MS4A4E: variants seen among roughly 807,000 people sequenced by gnomAD.
The protein encoded by MS4A4E is putative membrane-spanning 4-domains subfamily A member 4E.
A neutral mutation model predicts 13.3 loss-of-function variants in MS4A4E; 23 were observed. The observed-to-expected ratio is 1.73, with a 90% CI of 1.25 to 2.45. MS4A4E has a LOEUF of 2.45. Ranked by LOEUF, MS4A4E falls within the 30% of genes most tolerant of loss-of-function variation. The pLI, the probability that MS4A4E is intolerant of heterozygous loss-of-function variation, is 0.00. For missense variants in MS4A4E, 144 were observed against 131.2 expected (o/e 1.10, Z -0.48); for synonymous variants, 36 against 45.6 (o/e 0.79, Z 0.85).
chr11:60,230,044 C>A lies in MS4A4E; in HGVS notation c.12G>T (p.Met4Ile). The A allele has an allele frequency of 6.3e-7, 1 of 1,588,596 alleles. No individual in the cohort carries two copies. Among genetic ancestry groups the A allele is most frequent in the Non-Finnish European group, 8.5e-7 (1 of 1,170,842 alleles). MTT[M>I]QGMEQTTPGA... ...CTGGAGTGGTCTGTTCCATTCCTTG[C>A]ATGGTTGTCATGGCAGCAGAAAAGG... The change falls in exon 2 of 9, where the codon ATG (methionine) becomes ATT (isoleucine). Residue 4 changes from methionine (M) to isoleucine (I), a missense_variant. Around this residue, in one of 3 missense-constraint regions of MS4A4E, gnomAD observed 119 missense variants for 88.7 expected, o/e 1.34. Coordinates refer to ENST00000651255, the MANE Select transcript of MS4A4E (RefSeq NM_001393391.1).
chr11:60,200,963 G>C lies in MS4A4E; in HGVS notation c.*580C>G, dbSNP rs562084720. Among the ~76,000 whole-genome samples, 24 of 145,536 alleles carry C rather than the reference G, an allele frequency of 1.6e-4. No individual in the cohort carries two copies. Among genetic ancestry groups the C allele is most frequent in the African/African-American group, 5.1e-4 (20 of 39,280 alleles). On this transcript the variant is annotated 3_prime_UTR_variant, in exon 9 of 9. Transcript: ENST00000651255. The stretch of plus-strand genomic sequence containing the variant: ...TCCCGGACGGGGCGGCTGGCCGGGT[G>C]GGGGGCTGAACCCCCCACCTCCCTC...
chr11:60,225,266 A>G (rs1432486739), intron 3 of MS4A4E, among the ~76,000 whole-genome samples: 1 of 152,110 alleles, frequency 6.6e-6, no homozygotes, highest in African/African-American at 2.4e-5. Flanking sequence ...TTATCTTACC[A>G]ATATTATCTC....
intron 3 of MS4A4E, 78 bp from the exon 4 acceptor site, chr11:60,214,692 T>C (rs2134932719): frequency 1.1e-6 from 1 of 902,672 alleles, no homozygotes; most frequent in African/African-American, 1.7e-5. Flanking sequence ...CACAACTTAG[T>C]AAACTTTATT....
chr11:60,213,203 A>C, intron 4 of MS4A4E, 71 bp from the exon 5 acceptor site: 1 of 1,229,860 alleles, frequency 8.1e-7, no homozygotes, highest in Non-Finnish European at 1.1e-6. Flanking sequence ...ATTACTTTAC[A>C]CTGCTGTCTA....
chr11:60,210,576 T>G (rs2084107946), intron 5 of MS4A4E, among the ~76,000 whole-genome samples: 1 of 152,268 alleles, frequency 6.6e-6, no homozygotes, highest in Non-Finnish European at 1.5e-5. Context: ...ACTACTTTTT[T>G]CTAGAGCTCA....
At chr11:60,210,107 G>T (rs766663339) in intron 5 of MS4A4E, among the ~76,000 whole-genome samples, 18 of 152,284 alleles carry the variant, frequency 1.2e-4, no homozygotes, top group Admixed American at 9.8e-4. Context: ...AAGGTCTCTG[G>T]CACACACATT....
chr11:60,241,179 A>G (rs2084545633), intron 1 of MS4A4E, among the ~76,000 whole-genome samples: 1 of 151,970 alleles, frequency 6.6e-6, no homozygotes, highest in African/African-American at 2.4e-5. Flanking sequence ...GCCTGCCACC[A>G]CGCCTGGCTA....
intron 4 of MS4A4E, among the ~76,000 whole-genome samples, chr11:60,214,226 T>C (rs927078090): frequency 7.2e-5 from 11 of 152,052 alleles, no homozygotes; most frequent in African/African-American, 2.2e-4. Context: ...TTTTAATCAA[T>C]TGGTCAATAA....
intron 1 of MS4A4E, among the ~76,000 whole-genome samples, chr11:60,236,107 T>C (rs541712602): frequency 6.6e-6 from 1 of 152,344 alleles, no homozygotes; most frequent in South Asian, 2.1e-4. Context: ...GATGATTCTA[T>C]TCCATCCCAT....
chr11:60,220,148 T>A (rs1458431203), intron 3 of MS4A4E, among the ~76,000 whole-genome samples: 1 of 152,204 alleles, frequency 6.6e-6, no homozygotes, highest in African/African-American at 2.4e-5. Context: ...AGTGCCACCA[T>A]CAAGGACTTA....
intron 1 of MS4A4E, among the ~76,000 whole-genome samples, chr11:60,231,155 AAGCT>A (rs1248564803): frequency 6.6e-6 from 1 of 152,156 alleles, no homozygotes; most frequent in African/African-American, 2.4e-5. Flanking sequence ...ATTTCAGAGA[AAGCT>A]AGAGGGGAAA....
chr11:60,214,485 A>C (rs2084164911), intron 4 of MS4A4E, 86 bp downstream of exon 4: 1 of 1,001,324 alleles, frequency 1.0e-6, no homozygotes, highest in African/African-American at 1.7e-5. Flanking sequence ...TTTAAAAACA[A>C]ACAAACAAAA....
intron 1 of MS4A4E, among the ~76,000 whole-genome samples, chr11:60,233,927 G>A (rs2084447646): frequency 6.6e-6 from 1 of 152,160 alleles, no homozygotes. Flanking sequence ...ATGGGAGCAG[G>A]GTCATGTCTG....
intron 5 of MS4A4E, among the ~76,000 whole-genome samples, chr11:60,210,945 T>C (rs879878796): frequency 6.6e-6 from 1 of 152,204 alleles, no homozygotes; most frequent in Non-Finnish European, 1.5e-5. Flanking sequence ...TTGTTTAAAA[T>C]TTTTAAAAAT....
chr11:60,229,771 A>G lies in MS4A4E; in HGVS notation c.144+141T>C, dbSNP rs1002872781. 1.5e-5 allele frequency: 11 copies of G among 731,804 alleles called. No individual in the cohort carries two copies. In the African/African-American group the frequency reaches 2.0e-4, roughly 14 times the overall value. 45.3% of individuals were successfully genotyped at this position (731,804 alleles called of 1,614,324 possible). A position where few individuals can be genotyped will look rare whatever the true frequency, so the allele number is the denominator to read the frequency against. On this transcript the variant is annotated intron_variant, in intron 2 of 8. Transcript: ENST00000651255. ...GAATATTATATATTTTTTCAAAGAAAGGGCCTGAAATTAAATTCTGATGTT... is the reference window on the plus strand; with the variant it reads ...GAATATTATATATTTTTTCAAAGAAGGGGCCTGAAATTAAATTCTGATGTT...
At chr11:60,211,401 A>G (rs2084120176) in intron 5 of MS4A4E, among the ~76,000 whole-genome samples, 1 of 152,246 alleles carries the variant, frequency 6.6e-6, no homozygotes, top group South Asian at 2.1e-4. Flanking sequence ...GTGACTACGT[A>G]GCCCTCAAGA....
In MS4A4E at chr11:60,243,032, G is replaced by T. The variant is rs867190809; in HGVS notation, c.-91C>A. ...CTGGGCAAGTTCCTCAAAGTTCTTT[G>T]TTCCAGACACAGTCAGCTTCCCCCA... On this transcript the variant is annotated 5_prime_UTR_variant, in exon 1 of 9. Coordinates refer to ENST00000651255, the MANE Select transcript of MS4A4E (RefSeq NM_001393391.1). 3 of 1,426,078 alleles carry T rather than the reference G, an allele frequency of 2.1e-6. No homozygotes were observed. The highest frequency in any genetic ancestry group is 2.1e-5 in the Admixed American group (1 of 48,712). The allele number at this position is 1,426,078 out of a possible 1,614,324, so 88.3% of individuals were successfully genotyped here. A position where few individuals can be genotyped will look rare whatever the true frequency, so the allele number is the denominator to read the frequency against.
At chr11:60,224,906 C>G in intron 3 of MS4A4E, 1 of 1,308,756 alleles carries the variant, frequency 7.6e-7, no homozygotes, top group Non-Finnish European at 9.9e-7. Flanking sequence ...TTGCAAAGAT[C>G]AGGGTATTTA....
Position 60,243,019 on chromosome 11 carries a change from C to A in MS4A4E, c.-78G>T. 1 of 1,513,330 alleles carries A rather than the reference C, an allele frequency of 6.6e-7. No homozygotes were observed. Among genetic ancestry groups the A allele is most frequent in the African/African-American group, 1.4e-5 (1 of 71,218 alleles). 93.7% of individuals were successfully genotyped at this position (1,513,330 alleles called of 1,614,324 possible). ...TGAGTGCAGGGCTCTGGGCAAGTTC[C>A]TCAAAGTTCTTTGTTCCAGACACAG... On this transcript the variant is annotated 5_prime_UTR_variant, in exon 1 of 9. In the 5' UTR this introduces an upstream ATG that the reference lacks. Transcript: ENST00000651255.
Sources: gnomAD v4.1 joint callset for allele counts (sites outside exome capture counted in the v4.1 genomes callset) on GRCh38, gnomAD v4.1.1 for gene constraint, gnomAD v4.1.1 regional missense constraint, MANE v1.5 for transcripts, NCBI Gene and HGNC (gene_info 2026-07-23, HGNC 2026-07-21) for gene names.